The following NINL variants were observed in gnomAD, a reference collection of about 807,000 sequenced individuals.
The protein encoded by NINL is ninein like, also known as ninein-like protein.
NINL carries 153 observed loss-of-function variants against 160.3 expected under a neutral mutation model. The observed-to-expected ratio is 0.95, with a 90% CI of 0.84 to 1.09. NINL has a LOEUF of 1.09. Among genes scored for constraint, NINL ranks in the 50% least tolerant of loss-of-function variants. NINL has a pLI of 0.00. For missense variants in NINL, 1,829 were observed against 1,764.0 expected, an observed-to-expected ratio of 1.04 and a Z score of -0.66; for synonymous variants, 800 against 734.8, an observed-to-expected ratio of 1.09 and a Z score of -1.43.
intron 13 of NINL, 92 bp downstream of exon 13, chr20:25,489,152 G>A (rs1391237079): frequency 1.1e-5 from 13 of 1,202,966 alleles, no homozygotes; most frequent in Non-Finnish European, 1.6e-5. Context: ...GCTCTCCCTG[G>A]AGCAGACACT....
At chr20:25,522,682 G>A (rs1035437383) in intron 2 of NINL, among the ~76,000 whole-genome samples, 1 of 152,208 alleles carries the variant, frequency 6.6e-6, no homozygotes, top group Admixed American at 6.5e-5. Flanking sequence ...ATAATTGCCA[G>A]CTGACTTTCT....
At chr20:25,554,643 A>AC (rs1384844710) in intron 1 of NINL, among the ~76,000 whole-genome samples, 3 of 148,930 alleles carry the variant, frequency 2.0e-5, no homozygotes, top group African/African-American at 7.4e-5. Context: ...AAACAAAAAA[A>AC]AAAAAAAAAA....
intron 5 of NINL, among the ~76,000 whole-genome samples, chr20:25,506,761 A>G (rs2063970167): frequency 6.6e-6 from 1 of 152,200 alleles, no homozygotes; most frequent in Non-Finnish European, 1.5e-5. Context: ...TACTGAATGC[A>G]TATTGACCTC....
Position 25,456,190 on chromosome 20 carries a change from C to A in NINL, c.3844-404G>T, listed in dbSNP as rs8184631. Among the ~76,000 whole-genome samples the A allele has an allele frequency of 6.0e-4, 83 of 137,660 alleles. 2 individuals are homozygous for A. The South Asian group carries it at 0.019, about 31-fold the overall frequency. 90.3% of individuals were successfully genotyped at this position (137,660 alleles called of 152,430 possible). A position where few individuals can be genotyped will look rare whatever the true frequency, so the allele number is the denominator to read the frequency against. ...CCCAAGAGGCAGAGGTTGCTGTGAG[C>A]CGAAATAGCACCACTGCATTCCAGC... On this transcript the variant is annotated intron_variant, in intron 22 of 23. Coordinates refer to ENST00000278886, the MANE Select transcript of NINL (RefSeq NM_025176.6).
chr20:25,510,613 G>A (rs752240987), intron 5 of NINL, 61 bp downstream of exon 5: 107 of 1,462,428 alleles, frequency 7.3e-5, no homozygotes, highest in Non-Finnish European at 9.4e-5. Flanking sequence ...TGACCCGGCT[G>A]TTCAGCTTTC....
intron 1 of NINL, among the ~76,000 whole-genome samples, chr20:25,550,752 T>C (rs891806871): frequency 5.3e-5 from 8 of 152,214 alleles, no homozygotes; most frequent in Non-Finnish European, 8.8e-5. Flanking sequence ...CCTCCAGCCA[T>C]AAGGCGGTTT....
At chr20:25,478,068 C>T (rs530630086) in intron 16 of NINL, among the ~76,000 whole-genome samples, 2 of 152,086 alleles carry the variant, frequency 1.3e-5, no homozygotes, top group South Asian at 4.2e-4. Context: ...CCTGCCTCAG[C>T]TTCCCGAGTA....
At chr20:25,516,723 G>A (rs890260340) in intron 3 of NINL, among the ~76,000 whole-genome samples, 2 of 152,238 alleles carry the variant, frequency 1.3e-5, no homozygotes, top group Admixed American at 6.5e-5. Context: ...TCATGCATAT[G>A]GCTAGTGGGG....
chr20:25,541,370 C>T (rs900951838), intron 1 of NINL, among the ~76,000 whole-genome samples: 1 of 152,212 alleles, frequency 6.6e-6, no homozygotes. Context: ...TGTTACCATG[C>T]CCCATTATAC....
rs373405507 is a variant in NINL at position 25,534,168 on chromosome 20, C to T, written c.-11-7570G>A. Reference sequence around the variant, plus strand: ...CAACCTTGGCCTTATCAGTACTGCACAAAGCCCTCTTCAGCATGCAGCATA... The same window carrying T: ...CAACCTTGGCCTTATCAGTACTGCATAAAGCCCTCTTCAGCATGCAGCATA... On this transcript the variant is annotated intron_variant, in intron 1 of 23. Coordinates refer to ENST00000278886, the MANE Select transcript of NINL (RefSeq NM_025176.6). 4.1e-4 allele frequency among the ~76,000 whole-genome samples: 63 copies of T among 152,306 alleles called. 1 individual carries two copies. The East Asian group carries it at 0.011, about 27-fold the overall frequency.
rs766884817 is a variant in NINL at position 25,479,216 on chromosome 20, GA to G, written c.1918-11del. On this transcript the variant is annotated splice_polypyrimidine_tract_variant and intron_variant, in intron 15 of 23. Coordinates refer to ENST00000278886, the MANE Select transcript of NINL (RefSeq NM_025176.6). ...TTTCGTAGTAATTTACCTAAAACGA[GA>G]AACATGAGCCCCGTGGACCAGGAGA... 6.3e-7 allele frequency: 1 copy of G among 1,595,966 alleles called. No individual in the cohort carries two copies. Among genetic ancestry groups the G allele is most frequent in the East Asian group, 2.2e-5 (1 of 44,608 alleles).
At position 25,539,951 on chromosome 20, in the gene NINL, C is replaced by T. The variant is rs1342897088; in HGVS notation, c.-11-13353G>A. 1.1e-5 allele frequency: 12 copies of T among 1,090,862 alleles called. No individual in the cohort carries two copies. The Admixed American group carries it at 2.2e-4, about 20-fold the overall frequency. The allele number at this position is 1,090,862 out of a possible 1,614,324, so 67.6% of individuals were successfully genotyped here. A position where few individuals can be genotyped will look rare whatever the true frequency, so the allele number is the denominator to read the frequency against. On this transcript the variant is annotated intron_variant, in intron 1 of 23. Coordinates refer to ENST00000278886, the MANE Select transcript of NINL (RefSeq NM_025176.6). Reference sequence around the variant, plus strand: ...ACACCCCTGCGGGTTCCCGGGGGCTCCCAGGCCTGCGCAGGCGCCTCAGTG... The same window carrying T: ...ACACCCCTGCGGGTTCCCGGGGGCTTCCAGGCCTGCGCAGGCGCCTCAGTG...
Position 25,517,918 on chromosome 20 carries a change from T to C in NINL, c.181-69A>G, listed in dbSNP as rs2064189824. On this transcript the variant is annotated intron_variant, in intron 2 of 23. Coordinates refer to ENST00000278886, the MANE Select transcript of NINL (RefSeq NM_025176.6). ...GATCACACAATTCAAAAGTGACTCTTTTGGATTTTCTCTCAGATAGAAATA... is the reference window on the plus strand; with the variant it reads ...GATCACACAATTCAAAAGTGACTCTCTTGGATTTTCTCTCAGATAGAAATA... The C allele has an allele frequency of 3.1e-6, 3 of 968,118 alleles. No individual in the cohort carries two copies. The African/African-American group carries it at 5.1e-5, about 16-fold the overall frequency. 60.0% of individuals were successfully genotyped at this position (968,118 alleles called of 1,614,324 possible).
At position 25,500,923 on chromosome 20, in the gene NINL, C is replaced by T. The variant is rs140736402; in HGVS notation, c.949G>A (p.Asp317Asn). The T allele has an allele frequency of 5.8e-5, 94 of 1,614,204 alleles. No homozygotes were observed. Among genetic ancestry groups the T allele is most frequent in the Non-Finnish European group, 7.5e-5 (88 of 1,180,048 alleles). The change falls in exon 8 of 24, where the codon GAT becomes AAT. Residue 317 changes from aspartate to asparagine, a missense_variant. Coordinates refer to ENST00000278886, the MANE Select transcript of NINL (RefSeq NM_025176.6). ...TCAGGAAAAGCGAAGCCAGAACCAT[C>T]GTCAATGCTGGAGAAGAGGCGCAGG... Reference protein sequence around the residue: ...SSLRLFSSIDDGSGFAFPDQV... With the variant: ...SSLRLFSSIDNGSGFAFPDQV...
intron 1 of NINL, among the ~76,000 whole-genome samples, chr20:25,548,258 G>A (rs1238349105): frequency 6.6e-6 from 1 of 152,158 alleles, no homozygotes; most frequent in African/African-American, 2.4e-5. Flanking sequence ...TATCAAATGA[G>A]GAAGCCAAAC....
At chr20:25,509,714 G>T in intron 5 of NINL, 1 of 456,766 alleles carries the variant, frequency 2.2e-6, no homozygotes, top group Non-Finnish European at 4.4e-6. Flanking sequence ...CATCATGTAA[G>T]TCAGCAGTAA....
At chr20:25,462,745 C>A (rs185255833) in intron 19 of NINL, 28 of 470,984 alleles carry the variant, frequency 5.9e-5, no homozygotes, top group African/African-American at 4.6e-4. Context: ...GCCGTGACCT[C>A]CTAGGCTCAG....
At chr20:25,524,291 T>C (rs1601218642) in intron 2 of NINL, among the ~76,000 whole-genome samples, 1 of 152,162 alleles carries the variant, frequency 6.6e-6, no homozygotes, top group East Asian at 1.9e-4. Context: ...TCTCGAAATG[T>C]TACAGAGAGA....
chr20:25,548,767 A>T (rs1369970455), intron 1 of NINL, among the ~76,000 whole-genome samples: 1 of 147,486 alleles, frequency 6.8e-6, no homozygotes, highest in Admixed American at 6.7e-5. Flanking sequence ...TGACCCCAGC[A>T]CCCACGGCCA....
Sources: gnomAD v4.1 joint callset for allele counts (sites outside exome capture counted in the v4.1 genomes callset) on GRCh38, gnomAD v4.1.1 for gene constraint, MANE v1.5 for transcripts, NCBI Gene and HGNC (gene_info 2026-07-23, HGNC 2026-07-21) for gene names.